The following NRG3 variants were observed in gnomAD, a reference collection of about 807,000 sequenced individuals.
NRG3 encodes neuregulin 3.
NRG3 carries 31 observed loss-of-function variants against 66.9 expected under a neutral mutation model. The ratio of observed to expected loss-of-function variants is 0.46; its 90% CI spans 0.35 to 0.63. The LOEUF (loss-of-function observed/expected upper bound fraction) is 0.63, where lower values mean the gene tolerates loss of function less well. Among genes scored for constraint, NRG3 ranks in the 20% least tolerant of loss-of-function variants. NRG3 has a pLI of 0.00. For missense variants in NRG3, 910 were observed against 878.9 expected, an observed-to-expected ratio of 1.04 and a Z score of -0.45; for synonymous variants, 393 against 359.4, an observed-to-expected ratio of 1.09 and a Z score of -1.06.
At chr10:82,160,281 G>A (rs2071487377) in intron 1 of NRG3, among the ~76,000 whole-genome samples, 1 of 151,930 alleles carries the variant, frequency 6.6e-6, no homozygotes, top group Non-Finnish European at 1.5e-5. Flanking sequence ...TTCTTCACCA[G>A]TCTGCTAATG....
At chr10:82,693,386 G>A (rs2055101136) in intron 2 of NRG3, among the ~76,000 whole-genome samples, 1 of 152,050 alleles carries the variant, frequency 6.6e-6, no homozygotes, top group East Asian at 1.9e-4. Context: ...ATTAGGTATT[G>A]CCTGTTTTCC....
intron 1 of NRG3, among the ~76,000 whole-genome samples, chr10:81,900,776 T>G (rs553556249): frequency 1.3e-5 from 2 of 152,350 alleles, no homozygotes; most frequent in East Asian, 3.9e-4. Context: ...GAAAGTGCTG[T>G]GTAAACATCA....
At chr10:82,214,474 C>T (rs2075563995) in intron 1 of NRG3, among the ~76,000 whole-genome samples, 1 of 152,082 alleles carries the variant, frequency 6.6e-6, no homozygotes, top group South Asian at 2.1e-4. Flanking sequence ...TTTCCACCCC[C>T]CGCCCTTGGA....
At chr10:82,565,234 G>A (rs1001119029) in intron 2 of NRG3, among the ~76,000 whole-genome samples, 4 of 152,110 alleles carry the variant, frequency 2.6e-5, no homozygotes, top group African/African-American at 9.7e-5. Flanking sequence ...CTACTACAGA[G>A]AATCATTGTT....
chr10:82,431,768 T>C (rs939519854), intron 2 of NRG3, among the ~76,000 whole-genome samples: 1 of 152,182 alleles, frequency 6.6e-6, no homozygotes. Context: ...GATAATCCTA[T>C]TAGCATACTA....
At chr10:82,798,542 A>G (rs957916419) in intron 3 of NRG3, among the ~76,000 whole-genome samples, 6 of 152,178 alleles carry the variant, frequency 3.9e-5, no homozygotes, top group African/African-American at 1.2e-4. Flanking sequence ...CAAAAGGACT[A>G]TCTTGTTTGG....
At chr10:82,099,771 G>T (rs914928619) in intron 1 of NRG3, among the ~76,000 whole-genome samples, 2 of 151,978 alleles carry the variant, frequency 1.3e-5, no homozygotes, top group African/African-American at 4.8e-5. Context: ...AGGAGTTTGA[G>T]ATCAGCATGG....
chr10:82,900,083 T>A (rs549607064), intron 4 of NRG3, among the ~76,000 whole-genome samples: 2 of 152,218 alleles, frequency 1.3e-5, no homozygotes, highest in South Asian at 4.1e-4. Flanking sequence ...AGCAGGCATC[T>A]CATATGATGG....
chr10:82,051,861 C>CT (rs34590458), intron 1 of NRG3, among the ~76,000 whole-genome samples: 36,462 of 151,940 alleles, frequency 0.24, 4,494 homozygotes, highest in Middle Eastern at 0.33. Flanking sequence ...TAAGGTCAAA[C>CT]TGAGCTCAAG....
At chr10:82,702,809 TA>T (rs1263009938) in intron 2 of NRG3, among the ~76,000 whole-genome samples, 2 of 152,126 alleles carry the variant, frequency 1.3e-5, no homozygotes, top group Non-Finnish European at 2.9e-5. Context: ...TCTGAGTAAA[TA>T]ATAAGGGACA....
At chr10:82,307,517 A>G (rs1277629322) in intron 1 of NRG3, among the ~76,000 whole-genome samples, 1 of 152,226 alleles carries the variant, frequency 6.6e-6, no homozygotes, top group Non-Finnish European at 1.5e-5. Context: ...TCGGAAAGAT[A>G]TATTTTGGGC....
chr10:82,948,229 T>G (rs1197551678), intron 4 of NRG3, among the ~76,000 whole-genome samples: 2 of 152,084 alleles, frequency 1.3e-5, no homozygotes, highest in African/African-American at 2.4e-5. Context: ...GCCACATAAG[T>G]TTCGAATATT....
chr10:82,347,955 G>C (rs2083145152), intron 1 of NRG3, among the ~76,000 whole-genome samples: 1 of 151,864 alleles, frequency 6.6e-6, no homozygotes, highest in Non-Finnish European at 1.5e-5. Context: ...TTGAGCCTAT[G>C]TGTGTCTCTG....
chr10:82,386,293 A>G (rs1027512806), intron 2 of NRG3, among the ~76,000 whole-genome samples: 2 of 152,196 alleles, frequency 1.3e-5, no homozygotes, highest in Non-Finnish European at 2.9e-5. Flanking sequence ...ATTACTTGTA[A>G]TATGGCTCCT....
At chr10:82,900,417 G>T (rs991672637) in intron 4 of NRG3, among the ~76,000 whole-genome samples, 3 of 152,008 alleles carry the variant, frequency 2.0e-5, no homozygotes, top group Non-Finnish European at 4.4e-5. Context: ...ATACTGTTTA[G>T]TATGACATTA....
At chr10:82,863,810 A>C (rs7096517) in intron 3 of NRG3, among the ~76,000 whole-genome samples, 7,623 of 152,142 alleles carry the variant, frequency 0.05, 243 homozygotes, top group Middle Eastern at 0.099. Context: ...CCATTATAGC[A>C]CTTATTACAA....
chr10:82,824,832 T>G (rs1207629311), intron 3 of NRG3, among the ~76,000 whole-genome samples: 1 of 152,002 alleles, frequency 6.6e-6, no homozygotes, highest in Non-Finnish European at 1.5e-5. Flanking sequence ...TCCCCCCATT[T>G]CAGCCTCCCA....
intron 2 of NRG3, among the ~76,000 whole-genome samples, chr10:82,689,003 A>G (rs2054719211): frequency 1.3e-5 from 2 of 152,148 alleles, no homozygotes; most frequent in Non-Finnish European, 2.9e-5. Flanking sequence ...AAGCTTTCTT[A>G]GTGTTTTCCT....
intron 2 of NRG3, among the ~76,000 whole-genome samples, chr10:82,477,472 T>C (rs1399010588): frequency 6.6e-5 from 10 of 152,248 alleles, no homozygotes; most frequent in African/African-American, 2.4e-4. Context: ...TTTCCTATTA[T>C]GTGTCCGAGC....
Sources: gnomAD v4.1 joint callset for allele counts (sites outside exome capture counted in the v4.1 genomes callset) on GRCh38, gnomAD v4.1.1 for gene constraint, MANE v1.5 for transcripts, NCBI Gene and HGNC (gene_info 2026-07-23, HGNC 2026-07-21) for gene names.